Variants in NPHP1 observed in about 807,000 individuals in gnomAD.
The protein encoded by NPHP1 is nephrocystin 1.
NPHP1 carries 70 observed loss-of-function variants against 90.4 expected under a neutral mutation model. That is an observed-to-expected ratio of 0.77 (90% CI 0.64 to 0.95). The LOEUF (loss-of-function observed/expected upper bound fraction) is 0.95. Among genes scored for constraint, NPHP1 ranks in the 40% least tolerant of loss-of-function variants. The pLI is 0.00. For synonymous variants in NPHP1, 256 were observed against 271.7 expected, an observed-to-expected ratio of 0.94 and a Z score of 0.57; for missense variants, 764 against 795.9, an observed-to-expected ratio of 0.96 and a Z score of 0.48.
chr2:110,185,625 G>A (rs1226263284), intron 2 of NPHP1, among the ~76,000 whole-genome samples: 2 of 152,176 alleles, frequency 1.3e-5, no homozygotes, highest in African/African-American at 4.8e-5. Context: ...GCCTCCCCTT[G>A]CTGGTCACTC....
At chr2:110,144,337 T>A in intron 15 of NPHP1, 156 bp downstream of exon 15, 1 of 624,712 alleles carries the variant, frequency 1.6e-6, no homozygotes. Context: ...AGAAAATAAG[T>A]ACTTAAAAAT....
intron 17 of NPHP1, among the ~76,000 whole-genome samples, chr2:110,129,523 G>T (rs995790205): frequency 2.0e-5 from 3 of 152,204 alleles, no homozygotes; most frequent in African/African-American, 7.2e-5. Context: ...AATAAGACTA[G>T]AAAATTTTGT....
chr2:110,142,718 C>T (rs1353396081), intron 16 of NPHP1, among the ~76,000 whole-genome samples: 1 of 152,122 alleles, frequency 6.6e-6, no homozygotes, highest in Non-Finnish European at 1.5e-5. Context: ...AACACATTAA[C>T]CTACAGTTGG....
At position 110,163,104 on chromosome 2, in the gene NPHP1, A is replaced by T. The variant is rs114250691; in HGVS notation, c.803T>A (p.Met268Lys). 2 of 1,613,422 alleles carry T rather than the reference A, an allele frequency of 1.2e-6. No individual in the cohort carries two copies. Among genetic ancestry groups the T allele is most frequent in the Non-Finnish European group, 1.7e-6 (2 of 1,179,440 alleles). The change falls in exon 9 of 20, where the codon ATG becomes AAG. Residue 268 changes from methionine to lysine, a missense_variant. Physicochemically the swap from Met to Lys is moderately conservative, Grantham distance 95 (BLOSUM62 -1). Transcript: ENST00000445609. ...QINTVDVLTT[M>K]GAIPAGFRPS... ...CCTGAACCCTGCAGGAATAGCTCCC[A>T]TCGTAGTTAACACATCAACAGTGTT...
chr2:110,169,955 CTTCACT>C lies in NPHP1; in HGVS notation c.367_372del (p.Ser123_Glu124del). On this transcript the variant is annotated inframe_deletion, in exon 5 of 20. Transcript: ENST00000445609. ...TCCTCCCCACCACTGTCTTCACTATCTTCACTTTCACTTTCTTCCTCTTCTTCAGTA... is the reference window on the plus strand; with the variant it reads ...TCCTCCCCACCACTGTCTTCACTATCTTCACTTTCTTCCTCTTCTTCAGTA... 6.2e-7 allele frequency: 1 copy of C among 1,609,024 alleles called. No homozygotes were observed. The highest frequency in any genetic ancestry group is 8.5e-7 in the Non-Finnish European group (1 of 1,175,492).
Position 110,148,017 on chromosome 2 carries a change from T to C in NPHP1, c.1168A>G (p.Ile390Val). The C allele has an allele frequency of 1.9e-6, 3 of 1,592,546 alleles. No homozygotes were observed. The highest frequency in any genetic ancestry group is 2.2e-5 in the East Asian group (1 of 44,758). The change falls in exon 13 of 20, where the codon ATC (isoleucine) becomes GTC (valine). Residue 390 changes from isoleucine to valine, a missense_variant. Transcript: ENST00000445609. ...TCACCATCAAGCAAACATGGTAAGA[T>C]GCGAGTAACCTGAAATGATAAAGAA... ...TWTFSPQVTR[I>V]LPCLLDGDCF...
rs1233478832 is a variant in NPHP1 at position 110,129,185 on chromosome 2, C to A, written c.1716+1G>T. On this transcript the variant is annotated splice_donor_variant, in intron 18 of 19. Transcript: ENST00000445609. LOFTEE classifies it high-confidence loss of function. ...TTTCCATTGCAATGCATGCTACCCA[C>A]CCTGAGAGCATCCATCACATCAGGC... 3.1e-6 allele frequency: 5 copies of A among 1,610,448 alleles called. No homozygotes were observed. The highest frequency in any genetic ancestry group is 1.7e-5 in the Admixed American group (1 of 59,944).
chr2:110,173,175 C>A lies in NPHP1; in HGVS notation c.330-3177G>T, dbSNP rs192743808. Among the ~76,000 whole-genome samples, 432 of 152,064 alleles carry A rather than the reference C, an allele frequency of 2.8e-3. 2 individuals are homozygous for A. The highest frequency in any genetic ancestry group is 9.9e-3 in the African/African-American group (409 of 41,496). The stretch of plus-strand genomic sequence containing the variant: ...GGTTTCACCATGTTGGCCAGATGGT[C>A]TCTATCTCTTGACCTCGTGATTCGC... On this transcript the variant is annotated intron_variant, in intron 4 of 19. Coordinates refer to ENST00000445609, the MANE Select transcript of NPHP1 (RefSeq NM_001128178.3).
intron 2 of NPHP1, among the ~76,000 whole-genome samples, chr2:110,183,217 T>A (rs1410498380): frequency 6.6e-6 from 1 of 152,144 alleles, no homozygotes; most frequent in Non-Finnish European, 1.5e-5. Context: ...GACATGTTCA[T>A]GATGGCCATG....
rs567405932 is a variant in NPHP1 at position 110,158,083 on chromosome 2, TA to T, written c.1083+2043del. Among the ~76,000 whole-genome samples, 86 of 152,306 alleles carry T rather than the reference TA, an allele frequency of 5.6e-4. 1 individual carries two copies. Among genetic ancestry groups the T allele is most frequent in the Admixed American group, 2.1e-3 (32 of 15,294 alleles). On this transcript the variant is annotated intron_variant, in intron 11 of 19. Coordinates refer to ENST00000445609, the MANE Select transcript of NPHP1 (RefSeq NM_001128178.3). The stretch of plus-strand genomic sequence containing the variant: ...CCTTTGATTATTTAGAAGTAGTTTT[TA>T]AATTTACAAGTATTTAAGTATTTTT...
At chr2:110,169,722 A>G in intron 5 of NPHP1, 84 bp downstream of exon 5, 2 of 881,926 alleles carry the variant, frequency 2.3e-6, no homozygotes, top group South Asian at 2.6e-5. Context: ...AGAATCTGTA[A>G]TACAGGTGTA....
At chr2:110,139,107 T>C (rs996356296) in intron 16 of NPHP1, among the ~76,000 whole-genome samples, 7 of 151,850 alleles carry the variant, frequency 4.6e-5, no homozygotes, top group Non-Finnish European at 7.4e-5. Context: ...GCAACTAACA[T>C]TATTACCTTA....
chr2:110,187,397 A>C (rs1297144315), intron 2 of NPHP1, among the ~76,000 whole-genome samples: 1 of 152,196 alleles, frequency 6.6e-6, no homozygotes, highest in African/African-American at 2.4e-5. Flanking sequence ...ACCTCTATGC[A>C]CATGAACTAG....
intron 14 of NPHP1, 82 bp from the exon 15 acceptor site, chr2:110,144,651 G>T: frequency 1.2e-6 from 1 of 810,358 alleles, no homozygotes; most frequent in Non-Finnish European, 2.2e-6. Context: ...ATATTTTTTA[G>T]CACTAATATA....
chr2:110,204,900 C>T lies in NPHP1; in HGVS notation c.69G>A (p.Gln23=). ...LRRRNQELKQ[Q]VDSLLSESQL... is the part of the protein sequence containing the mutation. ...GGCCCTCTGCACAGCCTGACCATAC[C>T]TGTTGCTTCAGCTCCTGATTGCGGC... Residue 23 remains glutamine (Q), a splice_region_variant and synonymous_variant, in exon 1 of 20, where the codon CAG becomes CAA. Transcript: ENST00000445609. The T allele has an allele frequency of 6.2e-7, 1 of 1,613,920 alleles. No homozygotes were observed. Among genetic ancestry groups the T allele is most frequent in the South Asian group, 1.1e-5 (1 of 91,074 alleles).
At chr2:110,156,997 G>C (rs547004910) in intron 11 of NPHP1, among the ~76,000 whole-genome samples, 33 of 152,110 alleles carry the variant, frequency 2.2e-4, no homozygotes, top group African/African-American at 6.5e-4. Flanking sequence ...GGATGGTCTA[G>C]ATCTCTTGAC....
chr2:110,138,068 C>T (rs1286189486), intron 16 of NPHP1, among the ~76,000 whole-genome samples: 1 of 151,758 alleles, frequency 6.6e-6, no homozygotes, highest in South Asian at 2.1e-4. Flanking sequence ...AGCAAACTAT[C>T]GCAAGACAAA....
At chr2:110,136,267 C>A (rs1042997464) in intron 16 of NPHP1, among the ~76,000 whole-genome samples, 1 of 152,080 alleles carries the variant, frequency 6.6e-6, no homozygotes, top group Non-Finnish European at 1.5e-5. Flanking sequence ...TGGCACAAGA[C>A]AGGGATGTCC....
At chr2:110,125,345 A>G in intron 19 of NPHP1, 1 of 1,513,884 alleles carries the variant, frequency 6.6e-7, no homozygotes, top group Non-Finnish European at 8.8e-7. Context: ...TTTTAAAAAT[A>G]AAAGAAATTT....
Sources: allele counts gnomAD v4.1 joint callset (sites outside exome capture counted in the v4.1 genomes callset), GRCh38; gene constraint gnomAD v4.1.1; transcripts MANE v1.5; gene names NCBI Gene and HGNC (gene_info 2026-07-23, HGNC 2026-07-21).